VMAC: variants seen among roughly 807,000 people sequenced by gnomAD.
The protein encoded by VMAC is vimentin type intermediate filament associated coiled-coil protein.
In VMAC, 8 loss-of-function variants were observed where a neutral mutation model predicts 4.8. The ratio of observed to expected loss-of-function variants is 1.68; its 90% CI spans 0.99 to 3.03. The LOEUF is 3.03. Among genes scored for constraint, VMAC ranks in the 30% most tolerant of loss-of-function variants. VMAC has a pLI of 0.00. For missense variants in VMAC, 248 were observed against 245.1 expected (o/e 1.01, Z -0.08); for synonymous variants, 96 against 113.7 (o/e 0.84, Z 0.99).
intron 1 of VMAC, among the ~76,000 whole-genome samples, chr19:5,906,836 C>G (rs557643207): frequency 6.6e-6 from 1 of 152,190 alleles, no homozygotes; most frequent in East Asian, 1.9e-4. Context: ...ACCAGCCTGG[C>G]CAACATGGCG....
chr19:5,906,502 CTT>C (rs899332797), intron 1 of VMAC, among the ~76,000 whole-genome samples: 1 of 152,204 alleles, frequency 6.6e-6, no homozygotes, highest in Non-Finnish European at 1.5e-5. Context: ...ATCAGTAAGA[CTT>C]AGCCTTGCCC....
rs1198616988 is a variant in VMAC, at chr19:5,908,661, CAAAG to C, written c.192-159_192-156del. ...TAAAATATAATAATAATAATAAAAACAAAGAAACATTCTGTTCATAACCAGGGAG... is the reference window on the plus strand; with the variant it reads ...TAAAATATAATAATAATAATAAAAACAAACATTCTGTTCATAACCAGGGAG... On this transcript the variant is annotated intron_variant, in intron 1 of 1. Coordinates refer to ENST00000339485, the MANE Select transcript of VMAC (RefSeq NM_001017921.4). The surrounding 1 kb of genome is among the most constrained non-coding windows in gnomAD (Gnocchi z 4.5). 6.9e-6 allele frequency among the ~76,000 whole-genome samples: 1 copy of C among 145,032 alleles called. No individual in the cohort carries two copies. Among genetic ancestry groups the C allele is most frequent in the Non-Finnish European group, 1.5e-5 (1 of 65,140 alleles).
At chr19:5,907,570 T>G (rs417337) in intron 1 of VMAC, among the ~76,000 whole-genome samples, 31 of 139,214 alleles carry the variant, frequency 2.2e-4, no homozygotes, top group Middle Eastern at 7.1e-3. Flanking sequence ...GTCAAGAATT[T>G]GAGACCAGCC....
intron 1 of VMAC, among the ~76,000 whole-genome samples, chr19:5,905,409 A>C (rs1314014440): frequency 6.6e-6 from 1 of 152,080 alleles, no homozygotes; most frequent in African/African-American, 2.4e-5. Context: ...TCAGCATTTT[A>C]ACTTTTAAAA....
intron 1 of VMAC, among the ~76,000 whole-genome samples, chr19:5,907,393 G>A (rs973290606): frequency 1.3e-5 from 2 of 151,836 alleles, no homozygotes; most frequent in Non-Finnish European, 2.9e-5. Flanking sequence ...ATGCCCACGT[G>A]GTGTGGAAGG....
At chr19:5,905,782 C>T (rs2057676717) in intron 1 of VMAC, among the ~76,000 whole-genome samples, 1 of 152,048 alleles carries the variant, frequency 6.6e-6, no homozygotes, top group Non-Finnish European at 1.5e-5. Flanking sequence ...TGCACCTCGA[C>T]CTCCGGAGCT....
chr19:5,905,946 C>T (rs951272695), intron 1 of VMAC, among the ~76,000 whole-genome samples: 1 of 151,932 alleles, frequency 6.6e-6, no homozygotes. Flanking sequence ...CCTCCCACCT[C>T]ACCCTTCCAA....
chr19:5,910,808 T>C lies in VMAC; in HGVS notation c.*1666T>C, dbSNP rs1211034309. 1 of 112,348 alleles carries C rather than the reference T, an allele frequency of 8.9e-6. No individual in the cohort carries two copies. The highest frequency in any genetic ancestry group is 1.9e-5 in the Non-Finnish European group (1 of 52,146). 7.0% of individuals were successfully genotyped at this position (112,348 alleles called of 1,614,324 possible). On this transcript the variant is annotated 3_prime_UTR_variant, in exon 2 of 2. Transcript: ENST00000339485. ...GGAAGTTATTGCTGAAATTCTGTTT[T>C]CTTTCTTTCTTTCTTTTTTTTTTAA...
rs1159200026 is a variant in VMAC, at chr19:5,910,686, A to G, written c.*1544A>G. The G allele has an allele frequency of 1.4e-5, 2 of 145,026 alleles. No homozygotes were observed. Among genetic ancestry groups the G allele is most frequent in the Non-Finnish European group, 3.0e-5 (2 of 67,414 alleles). 9.0% of individuals were successfully genotyped at this position (145,026 alleles called of 1,614,324 possible). A position where few individuals can be genotyped will look rare whatever the true frequency, so the allele number is the denominator to read the frequency against. On this transcript the variant is annotated 3_prime_UTR_variant, in exon 2 of 2. Coordinates refer to ENST00000339485, the MANE Select transcript of VMAC (RefSeq NM_001017921.4). ...CTCAGTCTCAAAGAAAACAACAACA[A>G]CAACAACAACAACAACAACAACAAC...
In VMAC at chr19:5,908,641, T is replaced by TATAATA. The variant is rs111948903; in HGVS notation, c.192-172_192-167dup. On this transcript the variant is annotated intron_variant, in intron 1 of 1. Transcript: ENST00000339485. This position sits in a 1 kb window ranked among gnomAD's most constrained non-coding sequence, Gnocchi z 4.5. ...AAAAAAAAATAATAATAAAATAAAA[T>TATAATA]ATAATAATAATAATAAAAACAAAGA... Among the ~76,000 whole-genome samples the TATAATA allele has an allele frequency of 1.4e-4, 21 of 149,858 alleles. No individual in the cohort carries two copies. Among genetic ancestry groups the TATAATA allele is most frequent in the African/African-American group, 3.4e-4 (14 of 40,802 alleles).
At position 5,908,098 on chromosome 19, in the gene VMAC, C is replaced by T. The variant is rs2057685202; in HGVS notation, c.192-726C>T. On this transcript the variant is annotated intron_variant, in intron 1 of 1. Coordinates refer to ENST00000339485, the MANE Select transcript of VMAC (RefSeq NM_001017921.4). The surrounding 1 kb of genome is among the most constrained non-coding windows in gnomAD (Gnocchi z 4.5). ...AGTGGCTCAGCCTGTAATCCCAGTA[C>T]TTTGGGAGGCCAAGGCGGGTGGATC... Among the ~76,000 whole-genome samples, 3 of 152,216 alleles carry T rather than the reference C, an allele frequency of 2.0e-5. No individual in the cohort carries two copies. In the South Asian group the frequency reaches 6.2e-4, roughly 31 times the overall value.
rs145505548 is a variant in VMAC, at chr19:5,908,886, C to T, written c.254C>T (p.Ala85Val). The T allele has an allele frequency of 5.3e-5, 85 of 1,613,888 alleles. No homozygotes were observed. Among genetic ancestry groups the T allele is most frequent in the Middle Eastern group, 1.6e-4 (1 of 6,084 alleles). ...GAAGCCACTGTCCACAGCCTGCAGG[C>T]CACCGTGCACCAGAGGGACGAGCTC... Reference protein sequence around the residue: ...TSEATVHSLQATVHQRDELIR... With the variant: ...TSEATVHSLQVTVHQRDELIR... Residue 85 changes from alanine (A) to valine (V), a missense_variant, in exon 2 of 2, where the codon GCC becomes GTC. Physicochemically the swap from Ala to Val is moderately conservative, Grantham distance 64. Coordinates refer to ENST00000339485, the MANE Select transcript of VMAC (RefSeq NM_001017921.4). The surrounding 1 kb of genome is among the most constrained non-coding windows in gnomAD (Gnocchi z 4.5).
At position 5,908,623 on chromosome 19, in the gene VMAC, AAT is replaced by A. The variant is rs1302790149; in HGVS notation, c.192-199_192-198del. 3.0e-5 allele frequency among the ~76,000 whole-genome samples: 4 copies of A among 131,862 alleles called. No individual in the cohort carries two copies. The highest frequency in any genetic ancestry group is 1.1e-4 in the African/African-American group (4 of 35,568). 86.5% of individuals were successfully genotyped at this position (131,862 alleles called of 152,430 possible). On this transcript the variant is annotated intron_variant, in intron 1 of 1. Transcript: ENST00000339485. The surrounding 1 kb of genome is among the most constrained non-coding windows in gnomAD (Gnocchi z 4.5). ...AGAGCTAGACTTCGTCTCAAAAAAA[AAT>A]AATAATAAAATAAAATATAATAATA... is the stretch of plus-strand genomic sequence containing the variant.
In VMAC at chr19:5,909,018, C is replaced by A. The variant is rs2057688897; in HGVS notation, c.386C>A (p.Pro129His). 6.3e-7 allele frequency: 1 copy of A among 1,589,310 alleles called. No homozygotes were observed. Among genetic ancestry groups the A allele is most frequent in the Admixed American group, 1.8e-5 (1 of 55,970 alleles). ...CTGGCTGAGGCTGAGCGCCTGGGGC[C>A]CCTGCCGGCCAGTGACCCCGGCCAC... Reference protein sequence around the residue: ...DALAEAERLGPLPASDPGHPP... With the variant: ...DALAEAERLGHLPASDPGHPP... Residue 129 changes from proline (P) to histidine (H), a missense_variant, in exon 2 of 2, where the codon CCC becomes CAC. Coordinates refer to ENST00000339485, the MANE Select transcript of VMAC (RefSeq NM_001017921.4).
At chr19:5,907,267 C>G (rs2144971326) in intron 1 of VMAC, among the ~76,000 whole-genome samples, 1 of 152,094 alleles carries the variant, frequency 6.6e-6, no homozygotes, top group Middle Eastern at 3.4e-3. Flanking sequence ...AGACCCCCAC[C>G]CTGACAACCT....
In VMAC at chr19:5,910,742, C is replaced by T. The variant is rs1372861018; in HGVS notation, c.*1600C>T. 6.6e-6 allele frequency: 1 copy of T among 151,890 alleles called. No homozygotes were observed. Among genetic ancestry groups the T allele is most frequent in the Non-Finnish European group, 1.5e-5 (1 of 67,982 alleles). 9.4% of individuals were successfully genotyped at this position (151,890 alleles called of 1,614,324 possible). Reference sequence around the variant, plus strand: ...GAGGCCCAGAGGTGTGAAGGGAACACACTCCGGGTCTGGAGGGCCAGGGCC... The same window carrying T: ...GAGGCCCAGAGGTGTGAAGGGAACATACTCCGGGTCTGGAGGGCCAGGGCC... On this transcript the variant is annotated 3_prime_UTR_variant, in exon 2 of 2. Coordinates refer to ENST00000339485, the MANE Select transcript of VMAC (RefSeq NM_001017921.4).
rs1229206778 is a variant in VMAC, at chr19:5,908,677, T to C, written c.192-147T>C. On this transcript the variant is annotated intron_variant, in intron 1 of 1. Transcript: ENST00000339485. This position sits in a 1 kb window ranked among gnomAD's most constrained non-coding sequence, Gnocchi z 4.5. ...TAATAAAAACAAAGAAACATTCTGT[T>C]CATAACCAGGGAGGACCCTGAGGCA... The C allele has an allele frequency of 1.3e-5, 8 of 593,226 alleles. No homozygotes were observed. Among genetic ancestry groups the C allele is most frequent in the Non-Finnish European group, 3.0e-6 (1 of 338,406 alleles). The allele number at this position is 593,226 out of a possible 1,614,324, so 36.7% of individuals were successfully genotyped here.
chr19:5,907,079 T>C (rs1051779397), intron 1 of VMAC, among the ~76,000 whole-genome samples: 2 of 152,134 alleles, frequency 1.3e-5, no homozygotes, highest in Non-Finnish European at 2.9e-5. Context: ...ACAAGAGGTT[T>C]GTTTCTCAGC....
At position 5,910,338 on chromosome 19, in the gene VMAC, C is replaced by T. The variant is rs896840463; in HGVS notation, c.*1196C>T. The T allele has an allele frequency of 6.6e-6, 1 of 152,224 alleles. No individual in the cohort carries two copies. Among genetic ancestry groups the T allele is most frequent in the Non-Finnish European group, 1.5e-5 (1 of 68,064 alleles). 9.4% of individuals were successfully genotyped at this position (152,224 alleles called of 1,614,324 possible). Reference sequence around the variant, plus strand: ...CTAGGGAGTGTAGGCCAAGCACTCTCTACAGCGATTGCATCTAATCTTCGA... The same window carrying T: ...CTAGGGAGTGTAGGCCAAGCACTCTTTACAGCGATTGCATCTAATCTTCGA... On this transcript the variant is annotated 3_prime_UTR_variant, in exon 2 of 2. Coordinates refer to ENST00000339485, the MANE Select transcript of VMAC (RefSeq NM_001017921.4).
Sources: gnomAD v4.1 joint callset for allele counts (sites outside exome capture counted in the v4.1 genomes callset) on GRCh38, gnomAD v4.1.1 for gene constraint, Gnocchi (gnomAD v3.1) non-coding constraint, MANE v1.5 for transcripts, NCBI Gene and HGNC (gene_info 2026-07-23, HGNC 2026-07-21) for gene names.